SAE1: variants seen among roughly 807,000 people sequenced by gnomAD.
The protein encoded by SAE1 is SUMO1 activating enzyme subunit 1.
A neutral mutation model predicts 40.6 loss-of-function variants in SAE1; 11 were observed. The ratio of observed to expected loss-of-function variants is 0.27; its 90% CI spans 0.17 to 0.45. The LOEUF (loss-of-function observed/expected upper bound fraction) is 0.45. Among genes scored for constraint, SAE1 ranks in the 20% least tolerant of loss-of-function variants. The pLI, the probability that SAE1 is intolerant of heterozygous loss-of-function variation, is 1.00. For missense variants in SAE1, 373 were observed against 427.3 expected, an observed-to-expected ratio of 0.87 and a Z score of 1.12; for synonymous variants, 155 against 154.3, an observed-to-expected ratio of 1.00 and a Z score of -0.03.
chr19:47,132,566 C>T (rs982261958), intron 1 of SAE1, among the ~76,000 whole-genome samples: 1 of 151,768 alleles, frequency 6.6e-6, no homozygotes. Flanking sequence ...CATGAGCTAC[C>T]ATGCCTGGCC....
intron 5 of SAE1, among the ~76,000 whole-genome samples, chr19:47,165,891 T>G (rs2058389177): frequency 6.6e-6 from 1 of 152,174 alleles, no homozygotes; most frequent in South Asian, 2.1e-4. Flanking sequence ...GCCTTTCCCT[T>G]TAGAGCATTG....
intron 1 of SAE1, among the ~76,000 whole-genome samples, chr19:47,131,857 C>A (rs1027302237): frequency 1.3e-5 from 2 of 151,592 alleles, no homozygotes; most frequent in Non-Finnish European, 2.9e-5. Flanking sequence ...CCCGCCAGCA[C>A]GCCCGGCTAA....
chr19:47,172,214 C>T (rs1256435823), intron 6 of SAE1, among the ~76,000 whole-genome samples: 1 of 152,360 alleles, frequency 6.6e-6, no homozygotes, highest in South Asian at 2.1e-4. Flanking sequence ...CCACCACGCT[C>T]AGCTGGATGA....
chr19:47,194,373 C>A (rs1192352332), intron 6 of SAE1, among the ~76,000 whole-genome samples: 1 of 152,164 alleles, frequency 6.6e-6, no homozygotes, highest in East Asian at 1.9e-4. Context: ...CTCACAGCAA[C>A]TTGAATTTAC....
At chr19:47,163,546 G>A (rs1213325735) in intron 5 of SAE1, among the ~76,000 whole-genome samples, 3 of 151,976 alleles carry the variant, frequency 2.0e-5, no homozygotes, top group African/African-American at 7.2e-5. Context: ...TGGCCAACAT[G>A]GTGAAACCCC....
At chr19:47,196,183 T>C (rs1360154759) in intron 6 of SAE1, among the ~76,000 whole-genome samples, 1 of 149,426 alleles carries the variant, frequency 6.7e-6, no homozygotes, top group Non-Finnish European at 1.5e-5. Context: ...GTAGCTGGGA[T>C]TATAGGTGCC....
intron 5 of SAE1, among the ~76,000 whole-genome samples, chr19:47,163,053 A>C (rs1259784156): frequency 2.5e-4 from 38 of 152,152 alleles, no homozygotes; most frequent in Non-Finnish European, 2.9e-5. Context: ...AATGCAGAAC[A>C]AGTTAATGAA....
intron 1 of SAE1, among the ~76,000 whole-genome samples, chr19:47,134,689 A>G (rs2058167883): frequency 6.6e-6 from 1 of 152,058 alleles, no homozygotes; most frequent in Admixed American, 6.6e-5. Flanking sequence ...GCTTTGTTTG[A>G]AGTGGGGCAA....
chr19:47,180,745 C>T (rs1355855359), intron 6 of SAE1, among the ~76,000 whole-genome samples: 1 of 152,224 alleles, frequency 6.6e-6, no homozygotes, highest in Non-Finnish European at 1.5e-5. Flanking sequence ...ATCGGTTGAG[C>T]GCAGGAGGTC....
rs562036339 is a variant in SAE1, at chr19:47,172,148, A to G, written c.733+2225A>G. ...TGGCCAGGCTGGCCTCAAACTCCCA[A>G]CCTCAGATGATCCACCTGCCTCGGC... On this transcript the variant is annotated intron_variant, in intron 6 of 8. Transcript: ENST00000270225. Among the ~76,000 whole-genome samples, 5 of 152,224 alleles carry G rather than the reference A, an allele frequency of 3.3e-5. No individual in the cohort carries two copies. In the South Asian group the frequency reaches 1.0e-3, roughly 32 times the overall value.
At chr19:47,197,775 C>G (rs1158233924) in intron 7 of SAE1, among the ~76,000 whole-genome samples, 1 of 152,162 alleles carries the variant, frequency 6.6e-6, no homozygotes, top group Non-Finnish European at 1.5e-5. Flanking sequence ...AACCAGTTGC[C>G]TGCTCACTCA....
intron 4 of SAE1, among the ~76,000 whole-genome samples, chr19:47,154,011 G>C (rs2058304305): frequency 6.6e-6 from 1 of 151,780 alleles, no homozygotes; most frequent in African/African-American, 2.4e-5. Flanking sequence ...GGCTGGTCTT[G>C]AACTCCGGAC....
chr19:47,197,408 T>C lies in SAE1; in HGVS notation c.878+31T>C. 6 of 1,574,996 alleles carry C rather than the reference T, an allele frequency of 3.8e-6. No individual in the cohort carries two copies. In the South Asian group the frequency reaches 5.9e-5, roughly 15 times the overall value. On this transcript the variant is annotated intron_variant, in intron 7 of 8. Transcript: ENST00000270225. The stretch of plus-strand genomic sequence containing the variant: ...TGTCAGTATTTATCACTGTTTAGTC[T>C]GGACAGATAAAGTTTGTTTTCAGGA...
intron 6 of SAE1, among the ~76,000 whole-genome samples, chr19:47,173,197 C>G (rs2058446021): frequency 6.6e-6 from 1 of 152,142 alleles, no homozygotes; most frequent in African/African-American, 2.4e-5. Context: ...CAGGGTTCCA[C>G]CGTGTTGGCC....
chr19:47,149,436 G>T (rs2058273918), intron 2 of SAE1, among the ~76,000 whole-genome samples: 1 of 152,050 alleles, frequency 6.6e-6, no homozygotes. Context: ...CTCCCAAAGT[G>T]CTGGGATTAC....
chr19:47,131,109 G>A, intron 1 of SAE1, 81 bp downstream of exon 1: 1 of 1,453,268 alleles, frequency 6.9e-7, no homozygotes, highest in South Asian at 1.4e-5. Context: ...GAAGGAGCGG[G>A]AAGGTGTGAT....
chr19:47,155,146 G>T lies in SAE1; in HGVS notation c.560G>T (p.Gly187Val). ...EKTKVAKVSQ[G>V]VEDGPDTKRA... ...ACTAAAGTTGCCAAAGTTAGCCAAG[G>T]AGTAGAAGATGGGCCCGACACCAAG... The change falls in exon 5 of 9, where the codon GGA becomes GTA. Residue 187 changes from glycine (G) to valine (V), a missense_variant. By Grantham distance (109) the Gly-to-Val change is moderately radical. Transcript: ENST00000270225. 6.2e-7 allele frequency: 1 copy of T among 1,613,888 alleles called. No individual in the cohort carries two copies. The highest frequency in any genetic ancestry group is 8.5e-7 in the Non-Finnish European group (1 of 1,179,800).
At chr19:47,150,434 A>G in intron 3 of SAE1, 59 bp downstream of exon 3, 5 of 1,355,072 alleles carry the variant, frequency 3.7e-6, no homozygotes, top group Non-Finnish European at 5.1e-6. Flanking sequence ...TGCTAGTTGT[A>G]TATACTTTCA....
intron 5 of SAE1, among the ~76,000 whole-genome samples, chr19:47,158,410 C>G (rs887343024): frequency 6.6e-6 from 1 of 152,112 alleles, no homozygotes; most frequent in African/African-American, 2.4e-5. Flanking sequence ...AGATTTGAGA[C>G]GGATTTCGTC....
Sources: gnomAD v4.1 joint callset for allele counts (sites outside exome capture counted in the v4.1 genomes callset) on GRCh38, gnomAD v4.1.1 for gene constraint, MANE v1.5 for transcripts, NCBI Gene and HGNC (gene_info 2026-07-23, HGNC 2026-07-21) for gene names.